Variants in FER observed in about 807,000 individuals in gnomAD.
FER encodes FER tyrosine kinase, also known as tyrosine-protein kinase Fer.
In FER, 63 loss-of-function variants were observed where a neutral mutation model predicts 111.0. That is an observed-to-expected ratio of 0.57 (90% CI 0.46 to 0.70). The LOEUF (loss-of-function observed/expected upper bound fraction) is 0.70. FER is among the 30% of genes least tolerant of loss of function. The probability of loss-of-function intolerance (pLI) is 0.00; values close to 1 mark genes in which losing one functional copy is unlikely to be tolerated. For synonymous variants in FER, 327 were observed against 313.9 expected, an observed-to-expected ratio of 1.04 and a Z score of -0.44; for missense variants, 914 against 954.0, an observed-to-expected ratio of 0.96 and a Z score of 0.55.
chr5:108,782,080 A>G (rs1253566783), intron 2 of FER, among the ~76,000 whole-genome samples: 2 of 152,130 alleles, frequency 1.3e-5, no homozygotes, highest in African/African-American at 4.8e-5. Context: ...TTTGTCAATT[A>G]CAGTTCAGTT....
intron 3 of FER, 33 bp from the exon 4 acceptor site, chr5:108,832,736 GC>G: frequency 7.0e-7 from 1 of 1,419,884 alleles, no homozygotes; most frequent in Non-Finnish European, 9.3e-7. Flanking sequence ...AACCTTTAAT[GC>G]AAATGTTTGT....
chr5:108,969,616 T>TTTTTTTTTTTTTTTTTTTTA (rs1561695264), intron 13 of FER, among the ~76,000 whole-genome samples: 2 of 149,160 alleles, frequency 1.3e-5, no homozygotes, highest in African/African-American at 5.2e-5. Flanking sequence ...TTAATTTTTT[T>TTTTTTTTTTTTTTTTTTTTA]GAACACTGTG....
intron 11 of FER, among the ~76,000 whole-genome samples, chr5:108,949,164 G>A (rs562335304): frequency 1.3e-5 from 2 of 152,176 alleles, no homozygotes; most frequent in East Asian, 1.9e-4. Flanking sequence ...GTAATATAGT[G>A]TTATAATGCT....
chr5:109,020,451 C>T (rs1767773506), intron 13 of FER, among the ~76,000 whole-genome samples: 1 of 151,898 alleles, frequency 6.6e-6, no homozygotes. Flanking sequence ...ACATCCTTTT[C>T]ATTCTTTGTT....
intron 10 of FER, among the ~76,000 whole-genome samples, chr5:108,938,646 TAAAG>T (rs1395026226): frequency 5.3e-5 from 8 of 151,798 alleles, no homozygotes; most frequent in Admixed American, 6.6e-5. Flanking sequence ...CTAAGTTAGA[TAAAG>T]AGAGAAGAGA....
At chr5:108,794,880 C>G (rs182887522) in intron 2 of FER, among the ~76,000 whole-genome samples, 65 of 152,248 alleles carry the variant, frequency 4.3e-4, no homozygotes, top group Non-Finnish European at 7.6e-4. Flanking sequence ...TACATTAAAT[C>G]TGCTTGTTGT....
chr5:109,103,063 AT>A (rs1001648863), intron 17 of FER, among the ~76,000 whole-genome samples: 14 of 152,226 alleles, frequency 9.2e-5, no homozygotes, highest in African/African-American at 3.4e-4. Flanking sequence ...CACTGAAAAA[AT>A]TTTTAATGAA....
At chr5:108,992,653 G>C (rs543401882) in intron 13 of FER, among the ~76,000 whole-genome samples, 1 of 143,124 alleles carries the variant, frequency 7.0e-6, no homozygotes, top group Non-Finnish European at 1.5e-5. Flanking sequence ...CCTCCCTCCC[G>C]GACGGGGCGG....
At chr5:109,178,672 A>G (rs1757968749) in intron 17 of FER, among the ~76,000 whole-genome samples, 1 of 152,214 alleles carries the variant, frequency 6.6e-6, no homozygotes, top group South Asian at 2.1e-4. Context: ...TGAGCTACAA[A>G]CATTTCTACC....
Position 108,958,230 on chromosome 5 carries a change from C to G in FER, c.1534-995C>G, listed in dbSNP as rs188587946. ...AAAGAGCTTTGAGTTTTTAAACTTT[C>G]AGCTGGGAAAGTAATCTTCCAGTAA... On this transcript the variant is annotated intron_variant, in intron 12 of 19. Coordinates refer to ENST00000281092, the MANE Select transcript of FER (RefSeq NM_005246.4). Among the ~76,000 whole-genome samples, 192 of 148,560 alleles carry G rather than the reference C, an allele frequency of 1.3e-3. 1 individual carries two copies. Among genetic ancestry groups the G allele is most frequent in the African/African-American group, 4.6e-3 (188 of 40,772 alleles).
At chr5:109,124,968 C>A (rs1337098947) in intron 17 of FER, among the ~76,000 whole-genome samples, 2 of 149,652 alleles carry the variant, frequency 1.3e-5, no homozygotes, top group Admixed American at 6.7e-5. Context: ...ATGGCGTGAA[C>A]CCAGGAGGCA....
At chr5:109,002,948 T>G (rs1224863010) in intron 13 of FER, among the ~76,000 whole-genome samples, 1 of 152,144 alleles carries the variant, frequency 6.6e-6, no homozygotes, top group Non-Finnish European at 1.5e-5. Context: ...TGGCGATCAT[T>G]AAAAAGTCAG....
chr5:108,800,251 T>C (rs914003627), intron 3 of FER, among the ~76,000 whole-genome samples: 1 of 152,248 alleles, frequency 6.6e-6, no homozygotes, highest in Non-Finnish European at 1.5e-5. Context: ...TTTGCCATTG[T>C]CACATAGTTT....
At chr5:108,879,763 GC>G (rs1215341987) in intron 8 of FER, among the ~76,000 whole-genome samples, 1 of 142,602 alleles carries the variant, frequency 7.0e-6, no homozygotes, top group Admixed American at 7.2e-5. Context: ...AGGCTGGAGT[GC>G]AGTGGCACGA....
chr5:108,864,939 T>C (rs1763883333), intron 5 of FER, among the ~76,000 whole-genome samples: 1 of 152,014 alleles, frequency 6.6e-6, no homozygotes, highest in African/African-American at 2.4e-5. Context: ...ATCTATAAAT[T>C]ACCTTGGGCA....
At chr5:109,079,478 T>C (rs891750162) in intron 16 of FER, among the ~76,000 whole-genome samples, 2 of 152,166 alleles carry the variant, frequency 1.3e-5, no homozygotes, top group African/African-American at 4.8e-5. Context: ...CTGACTGTCT[T>C]ATGGTGCCAT....
At chr5:108,952,897 T>A (rs946442625) in intron 11 of FER, among the ~76,000 whole-genome samples, 1 of 152,104 alleles carries the variant, frequency 6.6e-6, no homozygotes, top group Admixed American at 6.6e-5. Context: ...TTGTTTGGGA[T>A]GCTTTCCTGT....
intron 8 of FER, among the ~76,000 whole-genome samples, chr5:108,877,568 A>C (rs1765216094): frequency 6.6e-6 from 1 of 152,240 alleles, no homozygotes; most frequent in Non-Finnish European, 1.5e-5. Flanking sequence ...TGCTCTTGCA[A>C]TTATATTTTA....
At chr5:108,798,743 G>C (rs1337755081) in intron 3 of FER, among the ~76,000 whole-genome samples, 1 of 152,172 alleles carries the variant, frequency 6.6e-6, no homozygotes, top group Non-Finnish European at 1.5e-5. Context: ...AGCTACTTGG[G>C]AGGTTGAGGT....
Sources: allele counts gnomAD v4.1 joint callset (sites outside exome capture counted in the v4.1 genomes callset), GRCh38; gene constraint gnomAD v4.1.1; transcripts MANE v1.5; gene names NCBI Gene and HGNC (gene_info 2026-07-23, HGNC 2026-07-21).